CROT: variants seen among roughly 807,000 people sequenced by gnomAD.
CROT encodes peroxisomal carnitine O-octanoyltransferase.
CROT carries 84 observed loss-of-function variants against 89.2 expected under a neutral mutation model. The ratio of observed to expected loss-of-function variants is 0.94; its 90% CI spans 0.79 to 1.13. The LOEUF (loss-of-function observed/expected upper bound fraction) is 1.13. Ranked by LOEUF, CROT falls within the 50% of genes most tolerant of loss-of-function variation. CROT has a pLI of 0.00. For synonymous variants in CROT, 212 were observed against 239.5 expected, an observed-to-expected ratio of 0.89 and a Z score of 1.06; for missense variants, 711 against 727.8, an observed-to-expected ratio of 0.98 and a Z score of 0.27.
chr7:87,380,801 A>AT, intron 10 of CROT, among the ~76,000 whole-genome samples: 2 of 152,336 alleles, frequency 1.3e-5, no homozygotes, highest in Middle Eastern at 3.4e-3. Context: ...TGTTTGTCTT[A>AT]AATGAAACAA....
chr7:87,389,827 GTTGTTCC>G (rs56283109), intron 13 of CROT, among the ~76,000 whole-genome samples: 106,941 of 151,716 alleles, frequency 0.7, 39,619 homozygotes, highest in Middle Eastern at 0.83. Context: ...AGTTTTTGTT[GTTGTTCC>G]TAGCATTAAG....
Position 87,355,866 on chromosome 7 carries a change from T to A in CROT, c.116-3340T>A, listed in dbSNP as rs114138837. On this transcript the variant is annotated intron_variant, in intron 3 of 17. Transcript: ENST00000331536. The stretch of plus-strand genomic sequence containing the variant: ...AAAGGAAAAGGGACAACAAAGGGAA[T>A]GGAAGAGACAACAAAGAGCACTCAC... Among the ~76,000 whole-genome samples, 1,116 of 152,240 alleles carry A rather than the reference T, an allele frequency of 7.3e-3. 13 individuals carry two copies. The highest frequency in any genetic ancestry group is 0.025 in the African/African-American group (1,048 of 41,552).
chr7:87,370,354 T>C (rs1452346031), intron 7 of CROT, among the ~76,000 whole-genome samples: 2 of 152,106 alleles, frequency 1.3e-5, no homozygotes, highest in African/African-American at 4.8e-5. Context: ...AGCTAATTAT[T>C]GTATTTTTAG....
intron 9 of CROT, among the ~76,000 whole-genome samples, chr7:87,376,286 A>G (rs1298600948): frequency 6.6e-6 from 1 of 152,072 alleles, no homozygotes; most frequent in Non-Finnish European, 1.5e-5. Flanking sequence ...TTTCTTGCCA[A>G]AGGTGAAATG....
chr7:87,363,865 G>A (rs1040113099), intron 6 of CROT, among the ~76,000 whole-genome samples: 7 of 152,216 alleles, frequency 4.6e-5, no homozygotes, highest in African/African-American at 1.4e-4. Flanking sequence ...TGGCATTGGA[G>A]TGGTGAGAAG....
Position 87,392,631 on chromosome 7 carries a change from T to A in CROT, c.1491T>A (p.Cys497Ter), listed in dbSNP as rs748067910. Residue 497 changes from cysteine (C) to a stop codon, truncating the protein, a stop_gained, in exon 15 of 18, where the codon TGT becomes TGA. Transcript: ENST00000331536. LOFTEE classifies it high-confidence loss of function. ...AGCATAATAAAATGATGAAAGATTG[T>A]TCAGCTGGAAAAGGTACTTAAGTTA... ...FAKHNKMMKD[C>*]SAGKGFDRHL... 1.7e-5 allele frequency: 27 copies of A among 1,613,178 alleles called. No homozygotes were observed. Among genetic ancestry groups the A allele is most frequent in the Non-Finnish European group, 2.0e-5 (24 of 1,179,530 alleles).
chr7:87,372,144 G>T (rs1806664109), intron 7 of CROT, among the ~76,000 whole-genome samples: 1 of 151,554 alleles, frequency 6.6e-6, no homozygotes, highest in Non-Finnish European at 1.5e-5. Context: ...CCATTTATTT[G>T]TGTTTTCTGT....
Position 87,382,413 on chromosome 7 carries a change from G to A in CROT, c.1171G>A (p.Ala391Thr), listed in dbSNP as rs777559732. ...GTTCTCATTTAATTCTTCTTGTTAG[G>A]CATCTGATCTACAGATTGCGGCTTA... ...NQAKAQYLRE[A>T]SDLQIAAYAF... Residue 391 changes from alanine to threonine, a missense_variant and splice_region_variant, in exon 13 of 18, where the codon GCA (alanine) becomes ACA (threonine). Ala to Thr is a moderately conservative substitution (Grantham distance 58). Coordinates refer to ENST00000331536, the MANE Select transcript of CROT (RefSeq NM_021151.4). 5 of 1,609,192 alleles carry A rather than the reference G, an allele frequency of 3.1e-6. No homozygotes were observed. Among genetic ancestry groups the A allele is most frequent in the Non-Finnish European group, 4.2e-6 (5 of 1,178,666 alleles).
intron 7 of CROT, among the ~76,000 whole-genome samples, chr7:87,374,691 G>C (rs1044266915): frequency 6.6e-6 from 1 of 151,916 alleles, no homozygotes; most frequent in African/African-American, 2.4e-5. Context: ...AATAACAAGG[G>C]GGGAATTTTT....
intron 13 of CROT, among the ~76,000 whole-genome samples, chr7:87,386,518 C>G (rs971410761): frequency 1.3e-5 from 2 of 152,136 alleles, no homozygotes; most frequent in African/African-American, 4.8e-5. Flanking sequence ...CTCCTTTCAT[C>G]TCTGAATTTA....
At chr7:87,371,275 G>A (rs557534734) in intron 7 of CROT, among the ~76,000 whole-genome samples, 158 of 152,260 alleles carry the variant, frequency 1.0e-3, no homozygotes, top group African/African-American at 3.7e-3. Flanking sequence ...GCATGGGGTA[G>A]TTGCACATTT....
chr7:87,372,023 A>C (rs1211938320), intron 7 of CROT, among the ~76,000 whole-genome samples: 2 of 151,558 alleles, frequency 1.3e-5, no homozygotes, highest in African/African-American at 2.4e-5. Flanking sequence ...AAAAAAAACA[A>C]AAAAAAGCTA....
rs1005148543 is a variant in CROT at position 87,387,043 on chromosome 7, C to T, written c.1301+4500C>T. Among the ~76,000 whole-genome samples the T allele has an allele frequency of 7.2e-5, 11 of 151,892 alleles. 1 individual carries two copies. In the Middle Eastern group the frequency reaches 0.01, roughly 141 times the overall value. The stretch of plus-strand genomic sequence containing the variant: ...CACATGCGGCCTGGCAGCTTGAGGG[C>T]GGGGTGTTGTGGATAGAGTGGTCTG... On this transcript the variant is annotated intron_variant, in intron 13 of 17. Transcript: ENST00000331536.
At chr7:87,387,986 C>T (rs984899669) in intron 13 of CROT, among the ~76,000 whole-genome samples, 1 of 152,152 alleles carries the variant, frequency 6.6e-6, no homozygotes, top group African/African-American at 2.4e-5. Context: ...TAAAGGGCTG[C>T]TTCTGTGTCC....
chr7:87,369,024 T>G (rs564133628), intron 6 of CROT, among the ~76,000 whole-genome samples: 2 of 152,248 alleles, frequency 1.3e-5, no homozygotes, highest in Non-Finnish European at 2.9e-5. Flanking sequence ...AGAAACCTGT[T>G]AATTCAAATG....
At chr7:87,392,512 C>A in intron 14 of CROT, 54 bp from the exon 15 acceptor site, 1 of 1,389,186 alleles carries the variant, frequency 7.2e-7, no homozygotes. Context: ...GGATTTTTTT[C>A]TAGTTGGGTT....
At chr7:87,382,048 T>G in intron 11 of CROT, 26 bp from the exon 12 acceptor site, 1 of 1,579,840 alleles carries the variant, frequency 6.3e-7, no homozygotes, top group African/African-American at 1.4e-5. Flanking sequence ...ATAGATAAAA[T>G]ATTTTTAAGT....
intron 6 of CROT, among the ~76,000 whole-genome samples, chr7:87,366,135 C>A (rs917347138): frequency 6.6e-6 from 1 of 152,152 alleles, no homozygotes; most frequent in African/African-American, 2.4e-5. Flanking sequence ...TTCTGGAGCT[C>A]ACGATCAGCA....
intron 6 of CROT, among the ~76,000 whole-genome samples, chr7:87,362,909 T>C (rs1806329221): frequency 6.6e-6 from 1 of 152,142 alleles, no homozygotes. Context: ...GCTTGAGATA[T>C]TTAATGTCCT....
Sources: gnomAD v4.1 joint callset for allele counts (sites outside exome capture counted in the v4.1 genomes callset) on GRCh38, gnomAD v4.1.1 for gene constraint, MANE v1.5 for transcripts, NCBI Gene and HGNC (gene_info 2026-07-23, HGNC 2026-07-21) for gene names.